The following HYCC1 variants were observed in gnomAD, a reference collection of about 807,000 sequenced individuals.
The protein encoded by HYCC1 is hyccin PI4KA lipid kinase complex subunit 1, also known as hyccin.
At chr7:22,899,825 G>T in the HYCC1 span, among the ~76,000 whole-genome samples, 1 of 151,764 alleles carries the variant, frequency 6.6e-6, no homozygotes, top group African/African-American at 2.4e-5. Flanking sequence ...CTAGTCAATG[G>T]CCCAAATTAA....
the HYCC1 span, among the ~76,000 whole-genome samples, chr7:22,967,874 C>T: frequency 1.3e-4 from 20 of 152,148 alleles, no homozygotes; most frequent in African/African-American, 4.8e-4. Context: ...TATACTGTTT[C>T]AGATATGTTG....
the HYCC1 span, chr7:22,944,393 C>T: frequency 2.6e-5 from 4 of 152,190 alleles, no homozygotes; most frequent in East Asian, 1.9e-4. Flanking sequence ...TCTGCCATGT[C>T]GTCTTTTTCA....
At chr7:22,919,140 G>A in the HYCC1 span, among the ~76,000 whole-genome samples, 1 of 152,206 alleles carries the variant, frequency 6.6e-6, no homozygotes. Context: ...AAAATTGCAT[G>A]TGAGAGGGGC....
chr7:22,904,430 CAA>C, the HYCC1 span, among the ~76,000 whole-genome samples: 253 of 132,200 alleles, frequency 1.9e-3, 1 homozygote, highest in African/African-American at 4.5e-3. Flanking sequence ...GACTCTGTCT[CAA>C]AAAAAAAAAA....
At chr7:23,004,071 C>T in the HYCC1 span, among the ~76,000 whole-genome samples, 2 of 152,124 alleles carry the variant, frequency 1.3e-5, no homozygotes, top group African/African-American at 2.4e-5. Context: ...TTAGCAGAGG[C>T]TGAAATATAA....
the HYCC1 span, chr7:23,014,124 CCTCT>C: frequency 8.5e-6 from 4 of 468,350 alleles, no homozygotes; most frequent in African/African-American, 2.0e-5. Flanking sequence ...CTGCCGCCAG[CCTCT>C]CTGACAGGCA....
At chr7:22,915,709 T>C in the HYCC1 span, among the ~76,000 whole-genome samples, 4 of 152,160 alleles carry the variant, frequency 2.6e-5, no homozygotes, top group Non-Finnish European at 5.9e-5. Context: ...TGCATTACAT[T>C]CTTTTCAAAG....
the HYCC1 span, among the ~76,000 whole-genome samples, chr7:22,900,938 A>C: frequency 6.6e-6 from 1 of 152,146 alleles, no homozygotes. Context: ...AACGAAAAAC[A>C]TACTGGCCTG....
At chr7:22,999,974 G>A in the HYCC1 span, among the ~76,000 whole-genome samples, 1 of 151,728 alleles carries the variant, frequency 6.6e-6, no homozygotes, top group Non-Finnish European at 1.5e-5. Context: ...TAAAACAAGG[G>A]TTCTGCTCAC....
chr7:22,907,104 CAAAAAAAAAAA>C, the HYCC1 span, among the ~76,000 whole-genome samples: 6 of 43,540 alleles, frequency 1.4e-4, no homozygotes, highest in Non-Finnish European at 2.0e-4. Flanking sequence ...GACTCTATCT[CAAAAAAAAAAA>C]AAAAAAAAAA....
chr7:23,010,983 G>C, the HYCC1 span, among the ~76,000 whole-genome samples: 2 of 152,102 alleles, frequency 1.3e-5, no homozygotes, highest in East Asian at 1.9e-4. Flanking sequence ...AACTGTTCTT[G>C]TTAAAGTTAC....
the HYCC1 span, among the ~76,000 whole-genome samples, chr7:22,980,033 G>A: frequency 1.3e-5 from 2 of 152,200 alleles, no homozygotes; most frequent in Non-Finnish European, 2.9e-5. Flanking sequence ...TCCACAGAAG[G>A]AAACTAAGAC....
chr7:22,967,502 T>C, the HYCC1 span, among the ~76,000 whole-genome samples: 2 of 152,214 alleles, frequency 1.3e-5, no homozygotes, highest in Non-Finnish European at 2.9e-5. Context: ...GAATATCTTA[T>C]AACCTGCTAG....
At chr7:22,966,654 C>A in the HYCC1 span, among the ~76,000 whole-genome samples, 2 of 152,138 alleles carry the variant, frequency 1.3e-5, no homozygotes, top group African/African-American at 4.8e-5. Context: ...ACTCACTCTT[C>A]CCCCGCACTG....
chr7:22,976,329 TA>T, the HYCC1 span: 2 of 1,526,820 alleles, frequency 1.3e-6, no homozygotes, highest in Admixed American at 3.3e-5. Flanking sequence ...AAAAGAATAT[TA>T]ACAAATCTTT....
chr7:23,002,163 T>TATATACAA, the HYCC1 span, among the ~76,000 whole-genome samples: 1 of 65,366 alleles, frequency 1.5e-5, no homozygotes, highest in African/African-American at 7.0e-5. Flanking sequence ...TATATATATA[T>TATATACAA]ATATATATAT....
the HYCC1 span, chr7:22,941,252 G>A: frequency 6.6e-6 from 1 of 151,930 alleles, no homozygotes; most frequent in East Asian, 1.9e-4. Context: ...AACTGATCTG[G>A]AAAAAATATT....
the HYCC1 span, among the ~76,000 whole-genome samples, chr7:22,999,564 C>T: frequency 6.6e-6 from 1 of 152,052 alleles, no homozygotes; most frequent in East Asian, 1.9e-4. Context: ...GATGTCAAGT[C>T]GACAGCCCGT....
At chr7:22,967,833 A>C in the HYCC1 span, among the ~76,000 whole-genome samples, 1 of 152,220 alleles carries the variant, frequency 6.6e-6, no homozygotes, top group African/African-American at 2.4e-5. Context: ...CGGTGTCATT[A>C]ACTGAGTTAG....
Sources: gnomAD v4.1 joint callset for allele counts (sites outside exome capture counted in the v4.1 genomes callset) on GRCh38, gnomAD v4.1.1 for gene constraint, MANE v1.5 for transcripts, NCBI Gene and HGNC (gene_info 2026-07-23, HGNC 2026-07-21) for gene names.